ANGEL1: variants seen among roughly 807,000 people sequenced by gnomAD.
ANGEL1 encodes angel homolog 1.
In ANGEL1, 62 loss-of-function variants were observed where a neutral mutation model predicts 76.4. That is an observed-to-expected ratio of 0.81 (90% confidence interval 0.66 to 1.00). ANGEL1 has a LOEUF of 1.00. Among genes scored for constraint, ANGEL1 ranks in the 50% least tolerant of loss-of-function variants. The pLI is 0.00. For synonymous variants in ANGEL1, 340 were observed against 331.7 expected (o/e 1.03, Z -0.27); for missense variants, 737 against 836.7 (o/e 0.88, Z 1.47).
chr14:76,792,889 G>A (rs1894448802), intron 7 of ANGEL1, among the ~76,000 whole-genome samples: 1 of 152,138 alleles, frequency 6.6e-6, no homozygotes, highest in Non-Finnish European at 1.5e-5. Context: ...AAAAGTTTTA[G>A]TCAGAGTAAT....
intron 7 of ANGEL1, among the ~76,000 whole-genome samples, chr14:76,801,559 A>G (rs898205931): frequency 2.0e-5 from 3 of 152,146 alleles, no homozygotes; most frequent in African/African-American, 4.8e-5. Context: ...AACTCCAATT[A>G]TGTATAAGTT....
chr14:76,809,163 G>A lies in ANGEL1; in HGVS notation c.545C>T (p.Ala182Val), dbSNP rs1274530693. The change falls in exon 2 of 10, where the codon GCC (alanine) becomes GTC (valine). Residue 182 changes from alanine to valine, a missense_variant. Around this residue, in one of 2 missense-constraint regions of ANGEL1, gnomAD observed 441 missense variants for 449.5 expected, o/e 0.98. Coordinates refer to ENST00000251089, the MANE Select transcript of ANGEL1 (RefSeq NM_015305.4). ...CACAGGCTCAGGTGCTATGCTCCAGGCCAACACCGCTGGGTCCTCTTCCCA... is the reference window on the plus strand; with the variant it reads ...CACAGGCTCAGGTGCTATGCTCCAGACCAACACCGCTGGGTCCTCTTCCCA... ...EQWEEDPAVLAWSIAPEPVPQ... is the reference protein window; with the variant it reads ...EQWEEDPAVLVWSIAPEPVPQ... 1 of 1,614,050 alleles carries A rather than the reference G, an allele frequency of 6.2e-7. No homozygotes were observed. The highest frequency in any genetic ancestry group is 2.2e-5 in the East Asian group (1 of 44,878).
At chr14:76,791,740 A>C (rs1894411529) in intron 7 of ANGEL1, among the ~76,000 whole-genome samples, 1 of 152,210 alleles carries the variant, frequency 6.6e-6, no homozygotes, top group African/African-American at 2.4e-5. Context: ...AGAAGCCACC[A>C]ATGTTACCAA....
chr14:76,797,092 C>T (rs1356241369), intron 7 of ANGEL1, among the ~76,000 whole-genome samples: 1 of 152,192 alleles, frequency 6.6e-6, no homozygotes, highest in Non-Finnish European at 1.5e-5. Context: ...AAGCTGCTAC[C>T]TCTACATGAG....
chr14:76,789,350 C>A lies in ANGEL1; in HGVS notation c.1891G>T (p.Gly631Cys). 1.2e-6 allele frequency: 2 copies of A among 1,614,186 alleles called. No homozygotes were observed. The highest frequency in any genetic ancestry group is 8.5e-7 in the Non-Finnish European group (1 of 1,180,036). ...TCTTCAGAGAGAAGGGAGAGACGAC[C>A]CAGGAGCTTGAGAGTTCCATCTCGA... The part of the protein sequence containing the change: ...LYRDGTLKLL[G>C]RLSLLSEEIL... Residue 631 changes from glycine (G) to cysteine (C), a missense_variant, in exon 10 of 10, where the codon GGT (glycine) becomes TGT (cysteine). Around this residue, in one of 2 missense-constraint regions of ANGEL1, gnomAD observed 296 missense variants for 387.2 expected, o/e 0.76. Coordinates refer to ENST00000251089, the MANE Select transcript of ANGEL1 (RefSeq NM_015305.4).
rs115093259 is a variant in ANGEL1, at chr14:76,790,703, C to A, written c.1760G>T (p.Arg587Leu). Reference protein sequence around the residue: ...VYTHFLPQRGRPEVTTMPLGL... With the variant: ...VYTHFLPQRGLPEVTTMPLGL... ...CAATGGCATTGTAGTGACCTCTGGG[C>A]GGCCACGCTGGGGCAGGAAGTGGGT... The change falls in exon 9 of 10, where the codon CGC becomes CTC. Residue 587 changes from arginine (R) to leucine (L), a missense_variant. By Grantham distance (102) the Arg-to-Leu change is moderately radical. Transcript: ENST00000251089. The A allele has an allele frequency of 6.2e-7, 1 of 1,614,106 alleles. No homozygotes were observed. Among genetic ancestry groups the A allele is most frequent in the Non-Finnish European group, 8.5e-7 (1 of 1,180,012 alleles).
chr14:76,795,127 G>GA (rs913583797), intron 7 of ANGEL1, among the ~76,000 whole-genome samples: 10 of 152,070 alleles, frequency 6.6e-5, no homozygotes, highest in African/African-American at 2.4e-4. Context: ...GTTTGGAGTT[G>GA]AAATAAATAC....
At chr14:76,796,575 T>G (rs988507518) in intron 7 of ANGEL1, among the ~76,000 whole-genome samples, 3 of 152,198 alleles carry the variant, frequency 2.0e-5, no homozygotes, top group Non-Finnish European at 1.5e-5. Context: ...AACTTATATG[T>G]TTATTGCATG....
intron 7 of ANGEL1, among the ~76,000 whole-genome samples, chr14:76,801,112 CTT>C (rs561312929): frequency 4.4e-4 from 62 of 142,402 alleles, no homozygotes; most frequent in Non-Finnish European, 2.9e-4. Context: ...TCTCCTACAT[CTT>C]TTTTTTTTTT....
At chr14:76,804,016 A>G (rs1364000961) in intron 5 of ANGEL1, 104 bp from the exon 6 acceptor site, 1 of 1,610,200 alleles carries the variant, frequency 6.2e-7, no homozygotes, top group African/African-American at 1.3e-5. Context: ...ATACAATCAC[A>G]CACTACGTAC....
chr14:76,812,851 C>G lies in ANGEL1; in HGVS notation c.-24G>C, dbSNP rs924619020. 3 of 1,499,796 alleles carry G rather than the reference C, an allele frequency of 2.0e-6. No homozygotes were observed. Among genetic ancestry groups the G allele is most frequent in the Non-Finnish European group, 2.7e-6 (3 of 1,127,662 alleles). 92.9% of individuals were successfully genotyped at this position (1,499,796 alleles called of 1,614,324 possible). ...ATGGCCGGCCGCCCGCGCCCGCCTC[C>G]GCTCCTCACTGCAGCCAGCAGGTCC... On this transcript the variant is annotated 5_prime_UTR_variant, in exon 1 of 10. Coordinates refer to ENST00000251089, the MANE Select transcript of ANGEL1 (RefSeq NM_015305.4).
chr14:76,802,760 C>A (rs1482144252), intron 7 of ANGEL1, among the ~76,000 whole-genome samples: 1 of 152,186 alleles, frequency 6.6e-6, no homozygotes, highest in African/African-American at 2.4e-5. Context: ...CATATCCCCA[C>A]AGATAAGTCT....
Position 76,812,809 on chromosome 14 carries a change from AC to A in ANGEL1, c.18del (p.Leu6PhefsTer36). The stretch of plus-strand genomic sequence containing the variant: ...CGCGTGGCCGGCAGCAGCAGGTAAC[AC>A]AAGCACGACGCGATCATGGCCGGCC... MIASC[L>X]CYLLLPATRL... is the part of the protein sequence containing the mutation. On this transcript the variant is annotated frameshift_variant, in exon 1 of 10. Transcript: ENST00000251089. LOFTEE classifies it high-confidence loss of function. The A allele has an allele frequency of 6.6e-7, 1 of 1,519,460 alleles. No individual in the cohort carries two copies. 94.1% of individuals were successfully genotyped at this position (1,519,460 alleles called of 1,614,324 possible).
intron 5 of ANGEL1, among the ~76,000 whole-genome samples, chr14:76,805,666 T>TG (rs1252674033): frequency 2.6e-5 from 4 of 151,940 alleles, no homozygotes; most frequent in Non-Finnish European, 4.4e-5. Flanking sequence ...AATTGCTGAG[T>TG]GAAAAAAAAC....
intron 7 of ANGEL1, among the ~76,000 whole-genome samples, chr14:76,794,135 A>G (rs973751197): frequency 2.0e-5 from 3 of 152,186 alleles, no homozygotes; most frequent in Non-Finnish European, 4.4e-5. Flanking sequence ...ACAAGGGGAG[A>G]AGTAAATGGA....
chr14:76,794,849 C>A lies in ANGEL1; in HGVS notation c.1619-3483G>T, dbSNP rs570644870. Among the ~76,000 whole-genome samples, 7 of 152,080 alleles carry A rather than the reference C, an allele frequency of 4.6e-5. No homozygotes were observed. The South Asian group carries it at 8.3e-4, about 18-fold the overall frequency. ...CTAAGTTCTGCACATTAATTTTGTA[C>A]CTATCTACCTTCCAGAATTATCTTA... On this transcript the variant is annotated intron_variant, in intron 7 of 9. Coordinates refer to ENST00000251089, the MANE Select transcript of ANGEL1 (RefSeq NM_015305.4).
chr14:76,789,294 G>A lies in ANGEL1; in HGVS notation c.1947C>T (p.Asn649=). 1 of 1,614,246 alleles carries A rather than the reference G, an allele frequency of 6.2e-7. No individual in the cohort carries two copies. The highest frequency in any genetic ancestry group is 8.5e-7 in the Non-Finnish European group (1 of 1,180,046). Residue 649 remains asparagine, a synonymous_variant, in exon 10 of 10, where the codon AAC becomes AAT. Coordinates refer to ENST00000251089, the MANE Select transcript of ANGEL1 (RefSeq NM_015305.4). ...EILWAANGLP[N]PFCSSDHLCL... is the part of the protein sequence containing the mutation. The stretch of plus-strand genomic sequence containing the variant: ...AGAGGTGGTCTGAAGAGCAGAAGGG[G>A]TTGGGTAAGCCATTGGCAGCCCAGA...
At chr14:76,799,515 G>C (rs1436981152) in intron 7 of ANGEL1, among the ~76,000 whole-genome samples, 1 of 151,674 alleles carries the variant, frequency 6.6e-6, no homozygotes, top group Non-Finnish European at 1.5e-5. Context: ...AGATGGTCTC[G>C]ATCTCCTGAC....
intron 1 of ANGEL1, among the ~76,000 whole-genome samples, chr14:76,811,359 G>GT (rs1895076586): frequency 6.6e-6 from 1 of 152,192 alleles, no homozygotes; most frequent in African/African-American, 2.4e-5. Flanking sequence ...AGGTTCTTTG[G>GT]TTCATATGCA....
Sources: gnomAD v4.1 joint callset for allele counts (sites outside exome capture counted in the v4.1 genomes callset) on GRCh38, gnomAD v4.1.1 for gene constraint, gnomAD v4.1.1 regional missense constraint, MANE v1.5 for transcripts, NCBI Gene and HGNC (gene_info 2026-07-23, HGNC 2026-07-21) for gene names.